The following COLQ variants were observed in gnomAD, a reference collection of about 807,000 sequenced individuals.
COLQ encodes collagen like tail subunit of asymmetric acetylcholinesterase.
COLQ carries 48 observed loss-of-function variants against 69.0 expected under a neutral mutation model. The ratio of observed to expected loss-of-function variants is 0.70; its 90% CI spans 0.55 to 0.88. The LOEUF is 0.88. COLQ is among the 40% of genes least tolerant of loss of function. The probability of loss-of-function intolerance (pLI) is 0.00; values close to 1 mark genes in which losing one functional copy is unlikely to be tolerated. For missense variants in COLQ, 618 were observed against 594.6 expected (o/e 1.04, Z -0.41); for synonymous variants, 217 against 211.2 (o/e 1.03, Z -0.24).
intron 1 of COLQ, among the ~76,000 whole-genome samples, chr3:15,497,200 T>C (rs955394851): frequency 2.0e-4 from 30 of 152,030 alleles, no homozygotes; most frequent in African/African-American, 7.2e-4. Context: ...AGTGCCACCA[T>C]GCCTGGCTAA....
chr3:15,467,805 G>A lies in COLQ; in HGVS notation c.718-1368C>T, dbSNP rs553941847. On this transcript the variant is annotated intron_variant, in intron 11 of 16. Transcript: ENST00000383788. The stretch of plus-strand genomic sequence containing the variant: ...AATCTTCCTCAAATCTGGGGAGCAG[G>A]CAGGCTTGGGACTCCTTTCCAGCCA... The A allele has an allele frequency of 4.5e-4, 203 of 452,828 alleles. 1 individual carries two copies. The highest frequency in any genetic ancestry group is 3.7e-3 in the African/African-American group (183 of 50,042). 28.1% of individuals were successfully genotyped at this position (452,828 alleles called of 1,614,324 possible).
rs10676390 is a variant in COLQ, at chr3:15,466,653, T to TCTGTC, written c.718-217_718-216insGACAG. The stretch of plus-strand genomic sequence containing the variant: ...CAAATTTGTAGACCTTAGTTCTTGC[T>TCTGTC]CTACAAATGTGGCACATGGCAGCTG... On this transcript the variant is annotated intron_variant, in intron 11 of 16. Transcript: ENST00000383788. Among the ~76,000 whole-genome samples, 75,416 of 151,512 alleles carry TCTGTC rather than the reference T, an allele frequency of 0.5. 19,337 individuals carry two copies. The highest frequency in any genetic ancestry group is 0.62 in the East Asian group (3,187 of 5,138).
At chr3:15,480,167 C>A (rs1384156386) in intron 3 of COLQ, among the ~76,000 whole-genome samples, 4 of 152,142 alleles carry the variant, frequency 2.6e-5, no homozygotes, top group Non-Finnish European at 4.4e-5. Context: ...AGTGCAAAGC[C>A]TGTTTGAAAT....
At chr3:15,457,472 T>C (rs1396992776) in intron 13 of COLQ, among the ~76,000 whole-genome samples, 1 of 152,102 alleles carries the variant, frequency 6.6e-6, no homozygotes, top group Non-Finnish European at 1.5e-5. Context: ...AGTTGATCAT[T>C]ATTAAAGTTG....
In COLQ at chr3:15,453,813, G is replaced by A; in HGVS notation, c.1298+16C>T. On this transcript the variant is annotated intron_variant, in intron 16 of 16. Transcript: ENST00000383788. ...GAGAAAGAAGGGGGAGAGGGAGGGA[G>A]GGGAGTCATCCCTACCCAGGGAGAT... The A allele has an allele frequency of 1.3e-6, 2 of 1,526,024 alleles. No individual in the cohort carries two copies. The highest frequency in any genetic ancestry group is 2.7e-5 in the African/African-American group (2 of 73,218). The allele number at this position is 1,526,024 out of a possible 1,614,324, so 94.5% of individuals were successfully genotyped here.
chr3:15,493,268 C>T lies in COLQ; in HGVS notation c.107-3631G>A, dbSNP rs147378031. On this transcript the variant is annotated intron_variant, in intron 1 of 16. Coordinates refer to ENST00000383788, the MANE Select transcript of COLQ (RefSeq NM_005677.4). Reference sequence around the variant, plus strand: ...AGCGGGAGGAATGGCAGGAGAAAGACCCATGTTCCATTCAGGGCTACTTGG... The same window carrying T: ...AGCGGGAGGAATGGCAGGAGAAAGATCCATGTTCCATTCAGGGCTACTTGG... 4.7e-3 allele frequency among the ~76,000 whole-genome samples: 709 copies of T among 152,320 alleles called. 9 individuals are homozygous for T. Among genetic ancestry groups the T allele is most frequent in the African/African-American group, 0.016 (662 of 41,572 alleles).
chr3:15,516,028 T>C (rs2063056194), intron 1 of COLQ, among the ~76,000 whole-genome samples: 1 of 152,094 alleles, frequency 6.6e-6, no homozygotes, highest in Non-Finnish European at 1.5e-5. Flanking sequence ...CTCCCACCTC[T>C]CACACCCACC....
intron 5 of COLQ, chr3:15,477,432 A>C: frequency 1.9e-6 from 1 of 536,712 alleles, no homozygotes; most frequent in Non-Finnish European, 3.3e-6. Flanking sequence ...AGGGACTCTA[A>C]ACTTCTTGGT....
chr3:15,497,036 CTTTTTTTTTTTTT>C (rs371974104), intron 1 of COLQ, among the ~76,000 whole-genome samples: 1 of 107,530 alleles, frequency 9.3e-6, no homozygotes, highest in Non-Finnish European at 1.8e-5. Context: ...GTCCTTTTGC[CTTTTTTTTTTTTT>C]TTTTTTTTTT....
At chr3:15,508,008 G>C (rs2062934576) in intron 1 of COLQ, among the ~76,000 whole-genome samples, 1 of 151,744 alleles carries the variant, frequency 6.6e-6, no homozygotes, top group Admixed American at 6.6e-5. Flanking sequence ...GTGGTTCAGT[G>C]GTAGAATTCT....
At chr3:15,459,783 A>G (rs1344126521) in intron 12 of COLQ, among the ~76,000 whole-genome samples, 1 of 141,524 alleles carries the variant, frequency 7.1e-6, no homozygotes, top group Non-Finnish European at 1.5e-5. Context: ...CTGGTCAGGC[A>G]CCCATATTTT....
At chr3:15,504,017 T>C (rs1559530788) in intron 1 of COLQ, among the ~76,000 whole-genome samples, 1 of 152,122 alleles carries the variant, frequency 6.6e-6, no homozygotes, top group Non-Finnish European at 1.5e-5. Context: ...TAAACTCCCA[T>C]GAGTAAACAA....
intron 1 of COLQ, among the ~76,000 whole-genome samples, chr3:15,505,551 C>T (rs530254023): frequency 2.0e-5 from 3 of 152,192 alleles, no homozygotes; most frequent in Non-Finnish European, 4.4e-5. Flanking sequence ...GAGAGGAAGG[C>T]GGAGACAATG....
At chr3:15,471,969 A>ATT (rs370644681) in intron 10 of COLQ, among the ~76,000 whole-genome samples, 16 of 137,038 alleles carry the variant, frequency 1.2e-4, no homozygotes, top group African/African-American at 1.9e-4. Context: ...CACAAGCAGC[A>ATT]TTTTTTTTTT....
At chr3:15,471,248 C>T (rs1233499249) in intron 10 of COLQ, among the ~76,000 whole-genome samples, 1 of 152,176 alleles carries the variant, frequency 6.6e-6, no homozygotes, top group African/African-American at 2.4e-5. Context: ...CATATGTTCA[C>T]ATCTTCAATA....
At chr3:15,471,740 C>T (rs1409625728) in intron 10 of COLQ, among the ~76,000 whole-genome samples, 1 of 152,228 alleles carries the variant, frequency 6.6e-6, no homozygotes, top group Non-Finnish European at 1.5e-5. Flanking sequence ...TCAGCTCAGC[C>T]AATGTGTCCC....
chr3:15,488,106 T>C, intron 3 of COLQ, 100 bp downstream of exon 3: 2 of 861,116 alleles, frequency 2.3e-6, no homozygotes, highest in East Asian at 2.4e-5. Context: ...AAAACAGCTT[T>C]GTATCACATG....
chr3:15,512,229 C>A (rs149032275), intron 1 of COLQ, among the ~76,000 whole-genome samples: 1 of 152,182 alleles, frequency 6.6e-6, no homozygotes, highest in Non-Finnish European at 1.5e-5. Context: ...CGACTCACAC[C>A]GATGCTTCCT....
At chr3:15,509,021 TAAG>T (rs2062947904) in intron 1 of COLQ, among the ~76,000 whole-genome samples, 1 of 152,110 alleles carries the variant, frequency 6.6e-6, no homozygotes, top group Admixed American at 6.6e-5. Context: ...ATAATAACTA[TAAG>T]AAGAAGGAGG....
Sources: gnomAD v4.1 joint callset for allele counts (sites outside exome capture counted in the v4.1 genomes callset) on GRCh38, gnomAD v4.1.1 for gene constraint, MANE v1.5 for transcripts, NCBI Gene and HGNC (gene_info 2026-07-23, HGNC 2026-07-21) for gene names.